CNTNAP2: variants seen among roughly 807,000 people sequenced by gnomAD.
The protein encoded by CNTNAP2 is contactin-associated protein-like 2.
Under a neutral mutation model 155.2 loss-of-function variants are expected in CNTNAP2, and 98 were observed. That is an observed-to-expected ratio of 0.63 (90% CI 0.54 to 0.75). The LOEUF is 0.75. Among genes scored for constraint, CNTNAP2 ranks in the 30% least tolerant of loss-of-function variants. The pLI is 0.00. For synonymous variants in CNTNAP2, 651 were observed against 631.2 expected, an observed-to-expected ratio of 1.03 and a Z score of -0.47; for missense variants, 1,727 against 1,688.1, an observed-to-expected ratio of 1.02 and a Z score of -0.40.
At chr7:148,330,788 GGAAT>G (rs746012562) in intron 21 of CNTNAP2, among the ~76,000 whole-genome samples, 1 of 107,770 alleles carries the variant, frequency 9.3e-6, no homozygotes, top group South Asian at 3.9e-4. Context: ...GTTGATGGAT[GGAAT>G]GGATGGATGG....
chr7:147,710,438 C>T lies in CNTNAP2; in HGVS notation c.2098+71132C>T, dbSNP rs534102924. On this transcript the variant is annotated intron_variant, in intron 13 of 23. Transcript: ENST00000361727. ...TTCATGCTTCATATATGCTATTTAT[C>T]TTTTCAAGAATCCTTTCTTTTTTGC... Among the ~76,000 whole-genome samples, 165 of 152,238 alleles carry T rather than the reference C, an allele frequency of 1.1e-3. 3 individuals carry two copies. In the South Asian group the frequency reaches 0.033, roughly 30 times the overall value.
chr7:146,822,238 A>G (rs911180251), intron 2 of CNTNAP2, among the ~76,000 whole-genome samples: 11 of 152,024 alleles, frequency 7.2e-5, no homozygotes, highest in African/African-American at 2.4e-4. Context: ...ACCCAACACC[A>G]CATGTTCTCA....
At chr7:146,303,105 T>C (rs10272653) in intron 1 of CNTNAP2, among the ~76,000 whole-genome samples, 10,197 of 148,894 alleles carry the variant, frequency 0.068, 994 homozygotes, top group African/African-American at 0.22. Context: ...TGTGTGTGTG[T>C]GTGCGCATGC....
chr7:147,394,497 T>C (rs982163151), intron 9 of CNTNAP2, among the ~76,000 whole-genome samples: 2 of 152,022 alleles, frequency 1.3e-5, no homozygotes, highest in African/African-American at 4.8e-5. Flanking sequence ...TAACTTCAGA[T>C]TTGCAAGCAG....
intron 1 of CNTNAP2, among the ~76,000 whole-genome samples, chr7:146,645,696 TG>T (rs2129162460): frequency 6.6e-6 from 1 of 152,276 alleles, no homozygotes; most frequent in African/African-American, 2.4e-5. Context: ...TGAAATTCAA[TG>T]GCTTTTAGTG....
chr7:148,307,646 G>C (rs917889143), intron 21 of CNTNAP2, among the ~76,000 whole-genome samples: 1 of 152,112 alleles, frequency 6.6e-6, no homozygotes, highest in African/African-American at 2.4e-5. Context: ...GAATCCTTCA[G>C]CACTTCTATT....
chr7:147,638,356 G>A (rs1398025849), intron 12 of CNTNAP2, among the ~76,000 whole-genome samples: 1 of 152,166 alleles, frequency 6.6e-6, no homozygotes, highest in Non-Finnish European at 1.5e-5. Flanking sequence ...TTGTGTAGGA[G>A]CTTTTTCAGT....
intron 1 of CNTNAP2, among the ~76,000 whole-genome samples, chr7:146,689,328 T>A (rs75824073): frequency 6.6e-6 from 1 of 152,104 alleles, no homozygotes; most frequent in East Asian, 1.9e-4. Flanking sequence ...ATTATGCATA[T>A]TTTATCACAT....
intron 15 of CNTNAP2, among the ~76,000 whole-genome samples, chr7:148,013,863 G>A (rs1802125978): frequency 2.6e-5 from 4 of 152,166 alleles, no homozygotes; most frequent in Non-Finnish European, 5.9e-5. Context: ...GGTGGCAGTT[G>A]AGCAAAATTT....
intron 10 of CNTNAP2, among the ~76,000 whole-genome samples, chr7:147,446,063 G>A (rs572928239): frequency 6.6e-6 from 1 of 151,822 alleles, no homozygotes; most frequent in Non-Finnish European, 1.5e-5. Context: ...TCACAGAACA[G>A]TCCACAAGAT....
At chr7:148,342,281 C>G (rs755869683) in intron 21 of CNTNAP2, among the ~76,000 whole-genome samples, 2 of 152,164 alleles carry the variant, frequency 1.3e-5, no homozygotes, top group Non-Finnish European at 2.9e-5. Context: ...ATTTTAAAAT[C>G]TGTATTCCTG....
chr7:148,023,545 T>G (rs1252294294), intron 15 of CNTNAP2, among the ~76,000 whole-genome samples: 1 of 152,168 alleles, frequency 6.6e-6, no homozygotes, highest in East Asian at 1.9e-4. Flanking sequence ...TAGGTGACAA[T>G]GCACCCAGGC....
intron 13 of CNTNAP2, among the ~76,000 whole-genome samples, chr7:147,761,813 A>T (rs76925383): frequency 0.069 from 10,458 of 152,232 alleles, 362 homozygotes; most frequent in African/African-American, 0.083. Flanking sequence ...ATTAATGATG[A>T]TCTAATGAAT....
At chr7:147,031,729 G>A (rs1799036871) in intron 3 of CNTNAP2, among the ~76,000 whole-genome samples, 1 of 152,140 alleles carries the variant, frequency 6.6e-6, no homozygotes, top group South Asian at 2.1e-4. Flanking sequence ...ACCAGCCTGG[G>A]CAATGTGGTG....
chr7:147,004,540 T>C (rs1034673751), intron 3 of CNTNAP2, among the ~76,000 whole-genome samples: 1 of 152,060 alleles, frequency 6.6e-6, no homozygotes, highest in African/African-American at 2.4e-5. Flanking sequence ...AAATATTTAC[T>C]GGCAAGTGGG....
intron 1 of CNTNAP2, among the ~76,000 whole-genome samples, chr7:146,215,760 A>G (rs1227671847): frequency 6.6e-6 from 1 of 152,160 alleles, no homozygotes; most frequent in African/African-American, 2.4e-5. Flanking sequence ...GCCTCACTTT[A>G]TAAATATTTG....
intron 14 of CNTNAP2, among the ~76,000 whole-genome samples, chr7:147,927,659 A>T (rs566098781): frequency 6.6e-6 from 1 of 152,364 alleles, no homozygotes; most frequent in South Asian, 2.1e-4. Context: ...TCATGCCATA[A>T]GATTAACTAT....
rs568397555 is a variant in CNTNAP2, at chr7:147,685,775, G to T, written c.2098+46469G>T. On this transcript the variant is annotated intron_variant, in intron 13 of 23. Transcript: ENST00000361727. ...GCAAGAAAAAGGAATAGTGAGTTTA[G>T]GATGAGGTTTGGAGGGTTAAAATTT... 7.7e-4 allele frequency among the ~76,000 whole-genome samples: 117 copies of T among 152,152 alleles called. 1 individual carries two copies. The highest frequency in any genetic ancestry group is 2.8e-3 in the African/African-American group (115 of 41,542).
intron 13 of CNTNAP2, among the ~76,000 whole-genome samples, chr7:147,693,901 G>A (rs549704079): frequency 5.9e-5 from 9 of 152,056 alleles, no homozygotes; most frequent in African/African-American, 2.2e-4. Flanking sequence ...TGGTGAGAGG[G>A]GACATCCTTA....
Sources: gnomAD v4.1 joint callset for allele counts (sites outside exome capture counted in the v4.1 genomes callset) on GRCh38, gnomAD v4.1.1 for gene constraint, MANE v1.5 for transcripts, NCBI Gene and HGNC (gene_info 2026-07-23, HGNC 2026-07-21) for gene names.